Variants in WIPI2 observed in about 807,000 individuals in gnomAD.
The protein encoded by WIPI2 is WD repeat domain phosphoinositide-interacting protein 2.
Under a neutral mutation model 52.3 loss-of-function variants are expected in WIPI2, and 28 were observed. The ratio of observed to expected loss-of-function variants is 0.54; its 90% CI spans 0.40 to 0.73. The LOEUF (loss-of-function observed/expected upper bound fraction) is 0.73, where lower values mean the gene tolerates loss of function less well. Ranked by LOEUF, WIPI2 falls within the 30% of genes least tolerant of loss-of-function variation. WIPI2 has a pLI of 0.00. For synonymous variants in WIPI2, 268 were observed against 245.0 expected (o/e 1.09, Z -0.88); for missense variants, 506 against 602.9 (o/e 0.84, Z 1.68).
intron 3 of WIPI2, 30 bp downstream of exon 3, chr7:5,199,688 TAA>T (rs200973486): frequency 7.7e-3 from 9,806 of 1,265,856 alleles, no homozygotes; most frequent in East Asian, 0.014. Context: ...TTCCCCTTCT[TAA>T]AAAAAAAAAA....
chr7:5,222,680 A>G lies in WIPI2; in HGVS notation c.740+8A>G. 2 of 1,612,796 alleles carry G rather than the reference A, an allele frequency of 1.2e-6. No homozygotes were observed. The highest frequency in any genetic ancestry group is 1.7e-6 in the Non-Finnish European group (2 of 1,178,938). ...TCGGAGAGGAGTAAAGAGGTAAAGTACGTGAATGTCCAGAATGGATTCTGG... is the reference window on the plus strand; with the variant it reads ...TCGGAGAGGAGTAAAGAGGTAAAGTGCGTGAATGTCCAGAATGGATTCTGG... On this transcript the variant is annotated splice_region_variant and intron_variant, in intron 8 of 12. Coordinates refer to ENST00000288828, the MANE Select transcript of WIPI2 (RefSeq NM_015610.4).
intron 3 of WIPI2, among the ~76,000 whole-genome samples, chr7:5,209,032 T>G (rs2115253362): frequency 6.7e-6 from 1 of 149,484 alleles, no homozygotes; most frequent in South Asian, 2.1e-4. Context: ...TTTTTTTTTT[T>G]TTGGTATGGA....
intron 2 of WIPI2, among the ~76,000 whole-genome samples, chr7:5,195,343 G>A (rs1186420795): frequency 6.6e-6 from 1 of 152,048 alleles, no homozygotes; most frequent in Non-Finnish European, 1.5e-5. Context: ...AAATTAGCCG[G>A]GTGTGGTGGC....
At chr7:5,196,639 T>A (rs1180460510) in intron 2 of WIPI2, among the ~76,000 whole-genome samples, 1 of 152,048 alleles carries the variant, frequency 6.6e-6, no homozygotes, top group Non-Finnish European at 1.5e-5. Flanking sequence ...GCTCGTTAAT[T>A]TTGCCCATGG....
intron 3 of WIPI2, 127 bp downstream of exon 3, chr7:5,199,785 C>T (rs1781937132): frequency 6.7e-6 from 6 of 901,670 alleles, no homozygotes; most frequent in Non-Finnish European, 9.9e-6. Flanking sequence ...TCCTCTGCTT[C>T]CACCTTCATC....
chr7:5,232,702 C>T lies in WIPI2; in HGVS notation c.*1755C>T. On this transcript the variant is annotated 3_prime_UTR_variant, in exon 13 of 13. Coordinates refer to ENST00000288828, the MANE Select transcript of WIPI2 (RefSeq NM_015610.4). ...CTCTCTAGAACCTGACCGTGCACTCCATCTCCTGGGAGCCACTTTTGGCAA... is the reference window on the plus strand; with the variant it reads ...CTCTCTAGAACCTGACCGTGCACTCTATCTCCTGGGAGCCACTTTTGGCAA... The T allele has an allele frequency of 5.4e-6, 1 of 183,588 alleles. No individual in the cohort carries two copies. The highest frequency in any genetic ancestry group is 1.1e-5 in the Non-Finnish European group (1 of 89,114). The allele number at this position is 183,588 out of a possible 1,614,324, so 11.4% of individuals were successfully genotyped here.
Position 5,232,332 on chromosome 7 carries a change from C to T in WIPI2, c.*1385C>T, listed in dbSNP as rs566084769. 68 of 398,618 alleles carry T rather than the reference C, an allele frequency of 1.7e-4. No homozygotes were observed. The highest frequency in any genetic ancestry group is 8.2e-4 in the African/African-American group (40 of 48,758). 24.7% of individuals were successfully genotyped at this position (398,618 alleles called of 1,614,324 possible). A position where few individuals can be genotyped will look rare whatever the true frequency, so the allele number is the denominator to read the frequency against. On this transcript the variant is annotated 3_prime_UTR_variant, in exon 13 of 13. Coordinates refer to ENST00000288828, the MANE Select transcript of WIPI2 (RefSeq NM_015610.4). ...GAGGGGAGTTGTCCCCTCAGCTGAG[C>T]GGCTGCGGTGAAATGCCCCAGTGTT... is the stretch of plus-strand genomic sequence containing the variant.
In WIPI2 at chr7:5,232,157, TTTAGAA is replaced by T; in HGVS notation, c.*1212_*1217del. The T allele has an allele frequency of 5.0e-6, 2 of 398,828 alleles. No individual in the cohort carries two copies. The highest frequency in any genetic ancestry group is 8.8e-6 in the Non-Finnish European group (2 of 226,060). 24.7% of individuals were successfully genotyped at this position (398,828 alleles called of 1,614,324 possible). ...TGGCATTAATGGCAGGAGAGATGGT[TTTAGAA>T]TCTATGGAGTGGTGGAAGTTACGGA... is the stretch of plus-strand genomic sequence containing the variant. On this transcript the variant is annotated 3_prime_UTR_variant, in exon 13 of 13. Coordinates refer to ENST00000288828, the MANE Select transcript of WIPI2 (RefSeq NM_015610.4).
chr7:5,225,861 G>A lies in WIPI2; in HGVS notation c.779G>A (p.Gly260Asp). ...TGCTCCCTGGCCTTCAGCATGGACG[G>A]CATGTTCCTCTCCGCCTCCAGCAAC... Reference protein sequence around the residue: ...SICSLAFSMDGMFLSASSNTE... With the variant: ...SICSLAFSMDDMFLSASSNTE... Residue 260 changes from glycine (G) to aspartate (D), a missense_variant, in exon 9 of 13, where the codon GGC (glycine) becomes GAC (aspartate). Transcript: ENST00000288828. 6.2e-7 allele frequency: 1 copy of A among 1,613,630 alleles called. No homozygotes were observed. Among genetic ancestry groups the A allele is most frequent in the East Asian group, 2.2e-5 (1 of 44,876 alleles).
chr7:5,228,335 C>T lies in WIPI2; in HGVS notation c.1121+124C>T, dbSNP rs10225429. ...CATAGAGGGGCAGATTCCAGCACAGCGGCCCATGCCGCGCAGGTCGGGAGC... is the reference window on the plus strand; with the variant it reads ...CATAGAGGGGCAGATTCCAGCACAGTGGCCCATGCCGCGCAGGTCGGGAGC... On this transcript the variant is annotated intron_variant, in intron 11 of 12. Transcript: ENST00000288828. The T allele has an allele frequency of 9.2e-4, 827 of 896,262 alleles. 9 individuals are homozygous for T. The African/African-American group carries it at 0.013, about 14-fold the overall frequency. 55.5% of individuals were successfully genotyped at this position (896,262 alleles called of 1,614,324 possible). A position where few individuals can be genotyped will look rare whatever the true frequency, so the allele number is the denominator to read the frequency against.
intron 2 of WIPI2, among the ~76,000 whole-genome samples, chr7:5,194,961 C>T (rs1293929129): frequency 3.3e-5 from 5 of 152,092 alleles, no homozygotes; most frequent in Admixed American, 6.5e-5. Flanking sequence ...GCTCCAGAGG[C>T]GGGCTTGTGG....
In WIPI2 at chr7:5,227,675, G is replaced by A. The variant is rs549926504; in HGVS notation, c.1013+331G>A. 5.3e-5 allele frequency among the ~76,000 whole-genome samples: 8 copies of A among 152,322 alleles called. No individual in the cohort carries two copies. Among genetic ancestry groups the A allele is most frequent in the South Asian group, 2.1e-4 (1 of 4,830 alleles). On this transcript the variant is annotated intron_variant, in intron 10 of 12. Coordinates refer to ENST00000288828, the MANE Select transcript of WIPI2 (RefSeq NM_015610.4). This position sits in a 1 kb window ranked among gnomAD's most constrained non-coding sequence, Gnocchi z 8.1. The stretch of plus-strand genomic sequence containing the variant: ...CTTGCCGAGTCTCAGGCATCCGTCC[G>A]GCTCCAGGGTCTGGCCTCAGAACAC...
At chr7:5,224,223 C>G (rs184862275) in intron 8 of WIPI2, among the ~76,000 whole-genome samples, 1 of 152,342 alleles carries the variant, frequency 6.6e-6, no homozygotes, top group East Asian at 1.9e-4. Flanking sequence ...CAGGGTCTTG[C>G]GTGAGCTGGC....
chr7:5,202,074 A>G (rs192473450), intron 3 of WIPI2, among the ~76,000 whole-genome samples: 3 of 152,308 alleles, frequency 2.0e-5, no homozygotes, highest in Non-Finnish European at 2.9e-5. Context: ...TTCATGTCTC[A>G]GTATTTAGTT....
In WIPI2 at chr7:5,190,289, G is replaced by C. The variant is rs1322837887; in HGVS notation, c.-131G>C. 2.1e-6 allele frequency: 1 copy of C among 470,164 alleles called. No individual in the cohort carries two copies. The highest frequency in any genetic ancestry group is 3.2e-6 in the Non-Finnish European group (1 of 310,550). 29.1% of individuals were successfully genotyped at this position (470,164 alleles called of 1,614,324 possible). On this transcript the variant is annotated 5_prime_UTR_variant, in exon 1 of 13. Coordinates refer to ENST00000288828, the MANE Select transcript of WIPI2 (RefSeq NM_015610.4). ...AAGAGCGGGGACGGGATGAGGCGGC[G>C]GTTGATCCCAGGGTGGCGAGTGGCG...
At chr7:5,199,797 C>A (rs1348608988) in intron 3 of WIPI2, 139 bp downstream of exon 3, 1 of 857,758 alleles carries the variant, frequency 1.2e-6, no homozygotes, top group Admixed American at 2.8e-5. Context: ...ACCTTCATCT[C>A]CCCAAGAGGT....
At position 5,233,365 on chromosome 7, in the gene WIPI2, T is replaced by C. The variant is rs1783819852; in HGVS notation, c.*2418T>C. On this transcript the variant is annotated 3_prime_UTR_variant, in exon 13 of 13. Coordinates refer to ENST00000288828, the MANE Select transcript of WIPI2 (RefSeq NM_015610.4). ...CTGAGTTGCCCGTTAGAACTCTTAC[T>C]GCTGCGCCAGTGACCCAGGTGGAGA... is the stretch of plus-strand genomic sequence containing the variant. The C allele has an allele frequency of 6.6e-6, 1 of 152,304 alleles. No individual in the cohort carries two copies. The highest frequency in any genetic ancestry group is 2.4e-5 in the African/African-American group (1 of 41,464). 9.4% of individuals were successfully genotyped at this position (152,304 alleles called of 1,614,324 possible). A position where few individuals can be genotyped will look rare whatever the true frequency, so the allele number is the denominator to read the frequency against.
chr7:5,210,598 G>GGT (rs1340366603), intron 3 of WIPI2, among the ~76,000 whole-genome samples: 4 of 152,202 alleles, frequency 2.6e-5, no homozygotes, highest in Admixed American at 2.6e-4. Flanking sequence ...GGTCTCTACT[G>GGT]GTGTAGGATC....
intron 4 of WIPI2, among the ~76,000 whole-genome samples, chr7:5,216,007 G>T (rs1366802928): frequency 6.6e-6 from 1 of 152,230 alleles, no homozygotes; most frequent in African/African-American, 2.4e-5. Context: ...TGTCTTAGCT[G>T]TAGGTTAGCA....
Sources: gnomAD v4.1 joint callset for allele counts (sites outside exome capture counted in the v4.1 genomes callset) on GRCh38, gnomAD v4.1.1 for gene constraint, Gnocchi (gnomAD v3.1) non-coding constraint, MANE v1.5 for transcripts, NCBI Gene and HGNC (gene_info 2026-07-23, HGNC 2026-07-21) for gene names.